The following KIZ variants were observed in gnomAD, a reference collection of about 807,000 sequenced individuals.
KIZ encodes the protein kizuna centrosomal protein, also known as centrosomal protein kizuna.
Under a neutral mutation model 79.6 loss-of-function variants are expected in KIZ, and 68 were observed. That is an observed-to-expected ratio of 0.85 (90% CI 0.70 to 1.05). KIZ has a LOEUF of 1.05. KIZ is among the 50% of genes least tolerant of loss of function. The pLI, the probability that KIZ is intolerant of heterozygous loss-of-function variation, is 0.00. For synonymous variants in KIZ, 280 were observed against 281.8 expected (o/e 0.99, Z 0.06); for missense variants, 797 against 800.4 (o/e 1.00, Z 0.05).
At chr20:21,214,771 A>G (rs573652653) in intron 8 of KIZ, 71 bp downstream of exon 8, 91 of 976,782 alleles carry the variant, frequency 9.3e-5, no homozygotes, top group Admixed American at 3.2e-4. Context: ...CTCAAGGTAC[A>G]CCTATAGAAT....
intron 4 of KIZ, chr20:21,151,921 G>GT (rs2033141150): frequency 6.6e-6 from 1 of 152,218 alleles, no homozygotes; most frequent in Non-Finnish European, 1.5e-5. Flanking sequence ...CAGCCTGAAT[G>GT]AGCAGCTGCA....
At chr20:21,151,037 A>G (rs2033093512) in intron 4 of KIZ, 1 of 152,208 alleles carries the variant, frequency 6.6e-6, no homozygotes, top group Non-Finnish European at 1.5e-5. Context: ...TAAGGATTTT[A>G]TATAATATAG....
intron 6 of KIZ, among the ~76,000 whole-genome samples, chr20:21,182,859 C>T (rs569916557): frequency 6.6e-6 from 1 of 151,888 alleles, no homozygotes; most frequent in Non-Finnish European, 1.5e-5. Context: ...TTCTCCTCTC[C>T]CCTCCCTCTC....
intron 3 of KIZ, among the ~76,000 whole-genome samples, chr20:21,140,526 A>G (rs1025580408): frequency 6.6e-6 from 1 of 152,188 alleles, no homozygotes; most frequent in Non-Finnish European, 1.5e-5. Context: ...AACACTGTCA[A>G]CTGATTTTAT....
In KIZ at chr20:21,229,158, A is replaced by C. The variant is rs1405027407; in HGVS notation, c.1783+43A>C. On this transcript the variant is annotated intron_variant, in intron 10 of 12. Coordinates refer to ENST00000619189, the MANE Select transcript of KIZ (RefSeq NM_018474.6). ...GCAGTGTCCAGGGGCCCAGAGTGGC[A>C]GGCAGGGCTGTGTTCGGGGAAGGGT... is the stretch of plus-strand genomic sequence containing the variant. The C allele has an allele frequency of 4.3e-6, 5 of 1,159,562 alleles. No individual in the cohort carries two copies. In the East Asian group the frequency reaches 1.2e-4, roughly 27 times the overall value. 71.8% of individuals were successfully genotyped at this position (1,159,562 alleles called of 1,614,324 possible). A position where few individuals can be genotyped will look rare whatever the true frequency, so the allele number is the denominator to read the frequency against.
intron 6 of KIZ, chr20:21,166,340 C>T (rs2122739168): frequency 6.2e-7 from 1 of 1,605,252 alleles, no homozygotes; most frequent in Non-Finnish European, 8.5e-7. Flanking sequence ...GCCATTTTTC[C>T]AGGTCTTTGA....
chr20:21,150,151 C>T (rs140805812), intron 4 of KIZ, among the ~76,000 whole-genome samples: 93 of 152,294 alleles, frequency 6.1e-4, no homozygotes, highest in Non-Finnish European at 1.1e-3. Flanking sequence ...CAGAGTGCCA[C>T]GCCTGGCTCC....
At chr20:21,196,566 G>A (rs1230222842) in intron 6 of KIZ, 1 of 152,248 alleles carries the variant, frequency 6.6e-6, no homozygotes, top group Non-Finnish European at 1.5e-5. Flanking sequence ...GGAAGAATTA[G>A]GATCCAGATT....
intron 6 of KIZ, among the ~76,000 whole-genome samples, chr20:21,175,848 C>T (rs1600457728): frequency 6.6e-6 from 1 of 152,062 alleles, no homozygotes; most frequent in African/African-American, 2.4e-5. Context: ...AAGCTGGTCT[C>T]TACCAAAAAA....
intron 6 of KIZ, chr20:21,198,401 C>G (rs2035449771): frequency 6.6e-6 from 1 of 152,198 alleles, no homozygotes; most frequent in South Asian, 2.1e-4. Context: ...TGTTTACTAG[C>G]AGAGAATAGA....
Position 21,246,507 on chromosome 20 carries a change from C to T in KIZ, c.1953C>T (p.Asn651=). 6 of 1,610,616 alleles carry T rather than the reference C, an allele frequency of 3.7e-6. No individual in the cohort carries two copies. The highest frequency in any genetic ancestry group is 5.1e-6 in the Non-Finnish European group (6 of 1,177,086). The part of the protein sequence containing the change: ...NALWDESDDS[N]SEIEAALRPR... ...TCTGGGATGAGTCTGATGACAGTAA[C>T]TCAGAAATTGAGGCTGCTTTACGCC... is the stretch of plus-strand genomic sequence containing the variant. The change falls in exon 13 of 13, where the codon AAC becomes AAT. Residue 651 remains asparagine, a synonymous_variant. Coordinates refer to ENST00000619189, the MANE Select transcript of KIZ (RefSeq NM_018474.6).
At chr20:21,177,723 T>TA (rs1296121931) in intron 6 of KIZ, among the ~76,000 whole-genome samples, 1 of 152,108 alleles carries the variant, frequency 6.6e-6, no homozygotes, top group Non-Finnish European at 1.5e-5. Flanking sequence ...GTCTTATATT[T>TA]AAATCCTTAA....
intron 6 of KIZ, among the ~76,000 whole-genome samples, chr20:21,182,552 T>C (rs1358004673): frequency 6.6e-6 from 1 of 152,086 alleles, no homozygotes; most frequent in Non-Finnish European, 1.5e-5. Flanking sequence ...TCCTAGCACT[T>C]TGGGAAGCCA....
At chr20:21,227,752 C>A (rs534024284) in intron 9 of KIZ, among the ~76,000 whole-genome samples, 1 of 152,276 alleles carries the variant, frequency 6.6e-6, no homozygotes, top group Non-Finnish European at 1.5e-5. Flanking sequence ...GAAACACTTT[C>A]GTCCCAGCGA....
chr20:21,147,961 T>TTGTGTGTGTA (rs71330815), intron 4 of KIZ, among the ~76,000 whole-genome samples: 1 of 141,036 alleles, frequency 7.1e-6, no homozygotes, highest in Non-Finnish European at 1.5e-5. Context: ...CTCCTGGAAT[T>TTGTGTGTGTA]TGTGTGTGTG....
intron 11 of KIZ, among the ~76,000 whole-genome samples, chr20:21,240,348 C>T (rs1256709967): frequency 6.6e-6 from 1 of 152,180 alleles, no homozygotes; most frequent in Non-Finnish European, 1.5e-5. Context: ...TGATCTCGAA[C>T]TCCTGACCTC....
chr20:21,226,030 C>T (rs1248218713), intron 9 of KIZ: 1 of 152,192 alleles, frequency 6.6e-6, no homozygotes, highest in Non-Finnish European at 1.5e-5. Flanking sequence ...TGTTCTTGTA[C>T]CACTTTCAGT....
At chr20:21,214,722 G>C (rs543909676) in intron 8 of KIZ, 22 bp downstream of exon 8, 5 of 1,574,516 alleles carry the variant, frequency 3.2e-6, no homozygotes, top group Non-Finnish European at 4.4e-6. Flanking sequence ...TAAAGTGTGT[G>C]TCCACAGCAA....
At position 21,166,439 on chromosome 20, in the gene KIZ, A is replaced by G. The variant is rs558567523; in HGVS notation, c.1352+3280A>G. The G allele has an allele frequency of 2.3e-4, 361 of 1,592,372 alleles. 1 individual carries two copies. The highest frequency in any genetic ancestry group is 9.6e-4 in the South Asian group (87 of 90,750). On this transcript the variant is annotated intron_variant, in intron 6 of 12. Transcript: ENST00000619189. ...CAATTTCCCAGCTCTGTGGTCATCAATGATTTCAAATTCGCCAGTGTAACC... is the reference window on the plus strand; with the variant it reads ...CAATTTCCCAGCTCTGTGGTCATCAGTGATTTCAAATTCGCCAGTGTAACC...
Sources: gnomAD v4.1 joint callset for allele counts (sites outside exome capture counted in the v4.1 genomes callset) on GRCh38, gnomAD v4.1.1 for gene constraint, MANE v1.5 for transcripts, NCBI Gene and HGNC (gene_info 2026-07-23, HGNC 2026-07-21) for gene names.